ZNF516: variants seen among roughly 807,000 people sequenced by gnomAD.
The protein encoded by ZNF516 is zinc finger protein 516.
In ZNF516, 19 loss-of-function variants were observed where a neutral mutation model predicts 79.7. The ratio of observed to expected loss-of-function variants is 0.24; its 90% CI spans 0.17 to 0.35. The LOEUF (loss-of-function observed/expected upper bound fraction) is 0.35, where lower values mean the gene tolerates loss of function less well. ZNF516 is among the 10% of genes least tolerant of loss of function. The probability of loss-of-function intolerance (pLI) is 1.00; values close to 1 mark genes in which losing one functional copy is unlikely to be tolerated. For synonymous variants in ZNF516, 877 were observed against 739.5 expected (o/e 1.19, Z -3.02); for missense variants, 1,678 against 1,679.5 (o/e 1.00, Z 0.02).
rs1913525665 is a variant in ZNF516, at chr18:76,467,137, C to CCCAGAGA, written c.-271-3997_-271-3996insTCTCTGG. On this transcript the variant is annotated intron_variant, in intron 1 of 6. Coordinates refer to ENST00000443185, the MANE Select transcript of ZNF516 (RefSeq NM_014643.4). This position sits in a 1 kb window ranked among gnomAD's most constrained non-coding sequence, Gnocchi z 4.2. Reference sequence around the variant, plus strand: ...CTGGCAGGAAGTCCTGCGTGTCTCTCGGAACCTGCAGCTCACAGCCCTTCT... The same window carrying CCCAGAGA: ...CTGGCAGGAAGTCCTGCGTGTCTCTCCCAGAGAGGAACCTGCAGCTCACAGCCCTTCT... 2.7e-5 allele frequency among the ~76,000 whole-genome samples: 4 copies of CCCAGAGA among 148,390 alleles called. No homozygotes were observed. Among genetic ancestry groups the CCCAGAGA allele is most frequent in the African/African-American group, 7.5e-5 (3 of 39,736 alleles).
intron 1 of ZNF516, chr18:76,492,743 TC>T: frequency 2.0e-6 from 2 of 985,446 alleles, no homozygotes; most frequent in Non-Finnish European, 2.4e-6. Context: ...TCCTCTTTTC[TC>T]CCCCTTCTGC....
At chr18:76,408,182 G>A (rs2075326716) in intron 3 of ZNF516, among the ~76,000 whole-genome samples, 1 of 152,204 alleles carries the variant, frequency 6.6e-6, no homozygotes, top group Non-Finnish European at 1.5e-5. Flanking sequence ...GACAGAACTG[G>A]CAGGACCAGG....
chr18:76,461,982 T>G (rs1327291195), intron 2 of ZNF516, among the ~76,000 whole-genome samples: 1 of 152,250 alleles, frequency 6.6e-6, no homozygotes, highest in Non-Finnish European at 1.5e-5. Context: ...GTGGGGATGA[T>G]CTTGCCCAAG....
At chr18:76,373,162 G>A (rs538532595) in intron 4 of ZNF516, among the ~76,000 whole-genome samples, 1 of 148,276 alleles carries the variant, frequency 6.7e-6, no homozygotes, top group African/African-American at 2.5e-5. Flanking sequence ...ATGAAAGAAA[G>A]AAAAGAAAGA....
intron 1 of ZNF516, among the ~76,000 whole-genome samples, chr18:76,481,085 C>T (rs1314390348): frequency 1.3e-5 from 2 of 152,160 alleles, no homozygotes; most frequent in Admixed American, 6.5e-5. Flanking sequence ...GTGGCTCAAG[C>T]CCCCTCTGGG....
At chr18:76,432,540 G>A (rs1232101153) in intron 3 of ZNF516, among the ~76,000 whole-genome samples, 1 of 152,210 alleles carries the variant, frequency 6.6e-6, no homozygotes, top group Non-Finnish European at 1.5e-5. Context: ...TCACTCTTCC[G>A]TGTCACCTGA....
At chr18:76,496,049 C>T (rs1443389403), upstream of ZNF516, among the ~76,000 whole-genome samples, 1 of 151,920 alleles carries the variant, frequency 6.6e-6, no homozygotes. Context: ...TCCCCACGAG[C>T]AGTAGTTAGT....
chr18:76,458,616 G>A (rs939466249), intron 2 of ZNF516, among the ~76,000 whole-genome samples: 5 of 132,942 alleles, frequency 3.8e-5, no homozygotes, highest in Non-Finnish European at 8.4e-5. Flanking sequence ...GCAACGCCAG[G>A]CCTCACCGTC....
chr18:76,381,026 A>G (rs1422614520), intron 3 of ZNF516, among the ~76,000 whole-genome samples: 1 of 152,140 alleles, frequency 6.6e-6, no homozygotes, highest in Non-Finnish European at 1.5e-5. Flanking sequence ...TCCGCCCCTC[A>G]AGCTCTGCGC....
chr18:76,492,326 G>A (rs1378139939), intron 1 of ZNF516: 2 of 985,366 alleles, frequency 2.0e-6, no homozygotes, highest in Non-Finnish European at 2.4e-6. Flanking sequence ...GAGAAAGTCG[G>A]TGCCACAGTA....
intron 4 of ZNF516, among the ~76,000 whole-genome samples, chr18:76,373,617 T>C (rs1040583617): frequency 6.6e-6 from 1 of 152,252 alleles, no homozygotes; most frequent in African/African-American, 2.4e-5. Flanking sequence ...AAGTAATTAT[T>C]GTAGCTATTT....
At chr18:76,401,418 G>C (rs551660678) in intron 3 of ZNF516, among the ~76,000 whole-genome samples, 1 of 152,056 alleles carries the variant, frequency 6.6e-6, no homozygotes, top group African/African-American at 2.4e-5. Flanking sequence ...CAACTGTTTC[G>C]CAGGAGCTCG....
chr18:76,386,241 G>C (rs968416473), intron 3 of ZNF516: 1 of 152,106 alleles, frequency 6.6e-6, no homozygotes, highest in Non-Finnish European at 1.5e-5. Context: ...GGGCTTTGTT[G>C]AACACACAGG....
Position 76,459,128 on chromosome 18 carries a change from T to C in ZNF516, c.-158+3900A>G, listed in dbSNP as rs1041875763. 6.6e-6 allele frequency among the ~76,000 whole-genome samples: 1 copy of C among 152,216 alleles called. No homozygotes were observed. Among genetic ancestry groups the C allele is most frequent in the Admixed American group, 6.5e-5 (1 of 15,286 alleles). On this transcript the variant is annotated intron_variant, in intron 2 of 6. Coordinates refer to ENST00000443185, the MANE Select transcript of ZNF516 (RefSeq NM_014643.4). This position sits in a 1 kb window ranked among gnomAD's most constrained non-coding sequence, Gnocchi z 5.0. ...AATCTACCAGCAACACTCGTGCCCA[T>C]GTGCCTGGATTACCAGCTTCGCACA...
At chr18:76,426,493 G>A (rs1208426735) in intron 3 of ZNF516, among the ~76,000 whole-genome samples, 1 of 152,052 alleles carries the variant, frequency 6.6e-6, no homozygotes, top group Non-Finnish European at 1.5e-5. Context: ...AATCTTCAGT[G>A]TAAGTATATC....
rs1914598628 is a variant in ZNF516 at position 76,482,724 on chromosome 18, C to T, written c.-272+12420G>A. On this transcript the variant is annotated intron_variant, in intron 1 of 6. Transcript: ENST00000443185. ...TCAAACGTGTGACCTTACGTGCACA[C>T]TTCATTCTCTCATGCAATGAAATAG... Among the ~76,000 whole-genome samples, 4 of 152,326 alleles carry T rather than the reference C, an allele frequency of 2.6e-5. No individual in the cohort carries two copies. The South Asian group carries it at 6.2e-4, about 24-fold the overall frequency.
intron 3 of ZNF516, among the ~76,000 whole-genome samples, chr18:76,421,468 C>G (rs1199145189): frequency 1.3e-5 from 2 of 152,232 alleles, no homozygotes; most frequent in Non-Finnish European, 2.9e-5. Context: ...TGTCTCAGAG[C>G]TGGAAAGCAG....
At chr18:76,487,617 T>G (rs974365285) in intron 1 of ZNF516, among the ~76,000 whole-genome samples, 2 of 152,218 alleles carry the variant, frequency 1.3e-5, no homozygotes, top group Admixed American at 6.5e-5. Context: ...GACATGATTC[T>G]TTTCTTACAA....
rs762908701 is a variant in ZNF516 at position 76,358,766 on chromosome 18, G to C, written c.*3732C>G. Reference sequence around the variant, plus strand: ...AGAATTTGCTGGGGGTGGCAGAGGAGGGTTTGTCTAGTTTGAAGGAAGGAA... The same window carrying C: ...AGAATTTGCTGGGGGTGGCAGAGGACGGTTTGTCTAGTTTGAAGGAAGGAA... On this transcript the variant is annotated 3_prime_UTR_variant, in exon 7 of 7. Coordinates refer to ENST00000443185, the MANE Select transcript of ZNF516 (RefSeq NM_014643.4). 31 of 152,358 alleles carry C rather than the reference G, an allele frequency of 2.0e-4. No homozygotes were observed. Among genetic ancestry groups the C allele is most frequent in the South Asian group, 6.2e-4 (3 of 4,828 alleles). The allele number at this position is 152,358 out of a possible 1,614,324, so 9.4% of individuals were successfully genotyped here. A position where few individuals can be genotyped will look rare whatever the true frequency, so the allele number is the denominator to read the frequency against.
Sources: allele counts gnomAD v4.1 joint callset (sites outside exome capture counted in the v4.1 genomes callset), GRCh38; gene constraint gnomAD v4.1.1; non-coding constraint Gnocchi (gnomAD v3.1); transcripts MANE v1.5; gene names NCBI Gene and HGNC (gene_info 2026-07-23, HGNC 2026-07-21).